The following ARNT2 variants were observed in gnomAD, a reference collection of about 807,000 sequenced individuals.
ARNT2 encodes aryl hydrocarbon receptor nuclear translocator 2.
Under a neutral mutation model 91.7 loss-of-function variants are expected in ARNT2, and 36 were observed. That is an observed-to-expected ratio of 0.39 (90% CI 0.30 to 0.52). The LOEUF (loss-of-function observed/expected upper bound fraction) is 0.52. Among genes scored for constraint, ARNT2 ranks in the 20% least tolerant of loss-of-function variants. ARNT2 has a pLI of 0.72. For missense variants in ARNT2, 775 were observed against 939.3 expected (o/e 0.83, Z 2.29); for synonymous variants, 365 against 347.1 (o/e 1.05, Z -0.57).
At chr15:80,543,748 T>G (rs548814730) in intron 8 of ARNT2, among the ~76,000 whole-genome samples, 1 of 152,296 alleles carries the variant, frequency 6.6e-6, no homozygotes, top group East Asian at 1.9e-4. Context: ...ACATTTTAAT[T>G]TTTTATTATT....
At chr15:80,568,940 A>ACACACACGCGCGTG (rs1898534395) in intron 12 of ARNT2, among the ~76,000 whole-genome samples, 1 of 152,166 alleles carries the variant, frequency 6.6e-6, no homozygotes, top group African/African-American at 2.4e-5. Context: ...ACACACGCGC[A>ACACACACGCGCGTG]CACACACGCG....
intron 8 of ARNT2, among the ~76,000 whole-genome samples, chr15:80,536,022 C>A (rs1267782101): frequency 6.6e-6 from 1 of 152,174 alleles, no homozygotes; most frequent in Non-Finnish European, 1.5e-5. Context: ...CCGACCCAAT[C>A]CAATCACATC....
chr15:80,501,408 C>T (rs948240753), intron 5 of ARNT2, among the ~76,000 whole-genome samples: 1 of 152,154 alleles, frequency 6.6e-6, no homozygotes, highest in Admixed American at 6.5e-5. Flanking sequence ...TGACCAGAAA[C>T]GCACCTAAAT....
rs185458785 is a variant in ARNT2, at chr15:80,538,843, G to A, written c.878-12356G>A. 1.6e-3 allele frequency among the ~76,000 whole-genome samples: 238 copies of A among 152,028 alleles called. 1 individual carries two copies. The highest frequency in any genetic ancestry group is 5.6e-3 in the African/African-American group (232 of 41,498). ...AGAGAAAATCCCTGACAAGTCTATT[G>A]TAATTTTAAAAAGAATGAAAATAAA... is the stretch of plus-strand genomic sequence containing the variant. On this transcript the variant is annotated intron_variant, in intron 8 of 18. Transcript: ENST00000303329.
chr15:80,480,561 A>C (rs1896869977), intron 5 of ARNT2, among the ~76,000 whole-genome samples: 1 of 152,142 alleles, frequency 6.6e-6, no homozygotes, highest in African/African-American at 2.4e-5. Flanking sequence ...CGGACTCTTC[A>C]AGACAAGGTC....
intron 5 of ARNT2, among the ~76,000 whole-genome samples, chr15:80,494,730 A>G (rs909650695): frequency 6.6e-6 from 1 of 152,200 alleles, no homozygotes; most frequent in Non-Finnish European, 1.5e-5. Context: ...TCAGAGAGCC[A>G]CGAGAGCCCA....
intron 15 of ARNT2, chr15:80,580,069 C>T (rs1455090754): frequency 4.9e-6 from 1 of 205,918 alleles, no homozygotes; most frequent in Non-Finnish European, 9.9e-6. Flanking sequence ...TAAGAAGCTT[C>T]TCTCTTTCTG....
chr15:80,547,188 T>A (rs1898003617), intron 8 of ARNT2, among the ~76,000 whole-genome samples: 1 of 152,146 alleles, frequency 6.6e-6, no homozygotes, highest in African/African-American at 2.4e-5. Context: ...TGAGATGTTA[T>A]TTGCTGCTTT....
chr15:80,442,943 C>T, intron 1 of ARNT2: 3 of 985,416 alleles, frequency 3.0e-6, no homozygotes, highest in Non-Finnish European at 3.6e-6. Context: ...TCTGGCGTGC[C>T]CTCCTTGCGG....
At chr15:80,558,242 T>A (rs1245776429) in intron 11 of ARNT2, among the ~76,000 whole-genome samples, 2 of 152,160 alleles carry the variant, frequency 1.3e-5, no homozygotes, top group African/African-American at 4.8e-5. Context: ...TAGCAACTAT[T>A]TATTTGTCCA....
At position 80,541,069 on chromosome 15, in the gene ARNT2, C is replaced by T. The variant is rs901607253; in HGVS notation, c.878-10130C>T. Among the ~76,000 whole-genome samples, 32 of 152,214 alleles carry T rather than the reference C, an allele frequency of 2.1e-4. 1 individual carries two copies. The highest frequency in any genetic ancestry group is 1.2e-4 in the Non-Finnish European group (8 of 68,038). ...TTTTTGAGAACTCTCCAAACTGCTG[C>T]TTTCCACAGTGGCTGAACTAATTTA... On this transcript the variant is annotated intron_variant, in intron 8 of 18. Coordinates refer to ENST00000303329, the MANE Select transcript of ARNT2 (RefSeq NM_014862.4).
chr15:80,449,788 C>T (rs776185180), intron 1 of ARNT2, among the ~76,000 whole-genome samples: 15 of 152,210 alleles, frequency 9.9e-5, no homozygotes, highest in Admixed American at 1.3e-4. Context: ...GGAAACAGAG[C>T]AGTAGCCTAC....
intron 5 of ARNT2, among the ~76,000 whole-genome samples, chr15:80,501,873 G>A (rs1365426097): frequency 6.6e-6 from 1 of 152,258 alleles, no homozygotes; most frequent in Non-Finnish European, 1.5e-5. Context: ...ATATGGAGGA[G>A]CCATGTCTTA....
At chr15:80,482,444 T>C (rs1896905037) in intron 5 of ARNT2, among the ~76,000 whole-genome samples, 1 of 152,166 alleles carries the variant, frequency 6.6e-6, no homozygotes, top group African/African-American at 2.4e-5. Flanking sequence ...ATCGGCCCCA[T>C]TTCACAGGTC....
At chr15:80,494,860 C>T (rs1897104044) in intron 5 of ARNT2, among the ~76,000 whole-genome samples, 1 of 152,138 alleles carries the variant, frequency 6.6e-6, no homozygotes, top group Admixed American at 6.6e-5. Context: ...AGATGATGAT[C>T]TCTTGGATAT....
At chr15:80,417,829 A>C (rs1410204384) in intron 1 of ARNT2, among the ~76,000 whole-genome samples, 1 of 152,176 alleles carries the variant, frequency 6.6e-6, no homozygotes, top group Non-Finnish European at 1.5e-5. Context: ...CTGGCCATGC[A>C]CTAGGGCTGT....
At position 80,576,764 on chromosome 15, in the gene ARNT2, C is replaced by T. The variant is rs1898684155; in HGVS notation, c.1514-102C>T. 5 of 1,247,686 alleles carry T rather than the reference C, an allele frequency of 4.0e-6. No individual in the cohort carries two copies. The East Asian group carries it at 7.0e-5, about 17-fold the overall frequency. The allele number at this position is 1,247,686 out of a possible 1,614,324, so 77.3% of individuals were successfully genotyped here. ...GGCGGGCTGCCCTGACTTGTGTCCTCCCGTTCCCACGCCCACCCCTGCACC... is the reference window on the plus strand; with the variant it reads ...GGCGGGCTGCCCTGACTTGTGTCCTTCCGTTCCCACGCCCACCCCTGCACC... On this transcript the variant is annotated intron_variant, in intron 14 of 18. Transcript: ENST00000303329.
chr15:80,490,635 C>T (rs553147977), intron 5 of ARNT2, among the ~76,000 whole-genome samples: 94 of 152,380 alleles, frequency 6.2e-4, no homozygotes, highest in Non-Finnish European at 1.2e-3. Context: ...CGTCTCCCCT[C>T]GGGGCTGCCC....
chr15:80,577,476 C>A (rs1010164475), intron 15 of ARNT2, among the ~76,000 whole-genome samples: 1 of 152,182 alleles, frequency 6.6e-6, no homozygotes, highest in East Asian at 1.9e-4. Flanking sequence ...CTGAGGAAGC[C>A]CTGACATCAT....
Sources: allele counts gnomAD v4.1 joint callset (sites outside exome capture counted in the v4.1 genomes callset), GRCh38; gene constraint gnomAD v4.1.1; transcripts MANE v1.5; gene names NCBI Gene and HGNC (gene_info 2026-07-23, HGNC 2026-07-21).